The following ARNT variants were observed in gnomAD, a reference collection of about 807,000 sequenced individuals.
ARNT encodes the protein aryl hydrocarbon receptor nuclear translocator.
A neutral mutation model predicts 105.0 loss-of-function variants in ARNT; 30 were observed. The ratio of observed to expected loss-of-function variants is 0.29; its 90% confidence interval spans 0.21 to 0.39. The LOEUF (loss-of-function observed/expected upper bound fraction) is 0.39, where lower values mean the gene tolerates loss of function less well. Ranked by LOEUF, ARNT falls within the 10% of genes least tolerant of loss-of-function variation. The probability of loss-of-function intolerance (pLI) is 1.00; values close to 1 mark genes in which losing one functional copy is unlikely to be tolerated. For synonymous variants in ARNT, 304 were observed against 344.0 expected, an observed-to-expected ratio of 0.88 and a Z score of 1.29; for missense variants, 748 against 978.7, an observed-to-expected ratio of 0.76 and a Z score of 3.15.
At position 150,864,917 on chromosome 1, in the gene ARNT, T is replaced by C. The variant is rs775912908; in HGVS notation, c.26-6457A>G. On this transcript the variant is annotated intron_variant, in intron 1 of 21. Transcript: ENST00000358595. ...AAAAAAAAAGAAAGAAAAAGACCTA[T>C]AAAAGGTAAGATGTCAAGTGCTAAC... Among the ~76,000 whole-genome samples, 151 of 137,314 alleles carry C rather than the reference T, an allele frequency of 1.1e-3. No individual in the cohort carries two copies. In the Middle Eastern group the frequency reaches 0.013, roughly 11 times the overall value. 90.1% of individuals were successfully genotyped at this position (137,314 alleles called of 152,430 possible).
At position 150,814,121 on chromosome 1, in the gene ARNT, C is replaced by G. The variant is rs1418512329; in HGVS notation, c.2069G>C (p.Gly690Ala). The G allele has an allele frequency of 6.2e-7, 1 of 1,614,098 alleles. No individual in the cohort carries two copies. The highest frequency in any genetic ancestry group is 8.5e-7 in the Non-Finnish European group (1 of 1,180,018). ...SLPGAPTASP[G>A]AAAYPSLTNR... is the part of the protein sequence containing the mutation. ...GGTGAGACTAGGGTAGGCAGCAGCACCAGGCGATGCAGTTGGGGCACCAGG... is the reference window on the plus strand; with the variant it reads ...GGTGAGACTAGGGTAGGCAGCAGCAGCAGGCGATGCAGTTGGGGCACCAGG... The change falls in exon 20 of 22, where the codon GGT becomes GCT. Residue 690 changes from glycine (G) to alanine (A), a missense_variant. Coordinates refer to ENST00000358595, the MANE Select transcript of ARNT (RefSeq NM_001668.4).
intron 1 of ARNT, among the ~76,000 whole-genome samples, chr1:150,867,845 T>C (rs1051251467): frequency 2.0e-5 from 3 of 152,076 alleles, no homozygotes; most frequent in Non-Finnish European, 4.4e-5. Context: ...CTTCTCTCCC[T>C]CTATCCTGCC....
At chr1:150,812,277 C>G (rs879626240) in intron 21 of ARNT, among the ~76,000 whole-genome samples, 167 bp from the exon 22 acceptor site, 1 of 152,198 alleles carries the variant, frequency 6.6e-6, no homozygotes, top group African/African-American at 2.4e-5. Context: ...TAGATCGCAG[C>G]CTTTTTTCCT....
chr1:150,832,890 C>A (rs962341459), intron 8 of ARNT, among the ~76,000 whole-genome samples: 2 of 152,206 alleles, frequency 1.3e-5, no homozygotes, highest in Non-Finnish European at 2.9e-5. Context: ...TATGTCTTTG[C>A]ATTAGCCATG....
chr1:150,811,989 C>T lies in ARNT; in HGVS notation c.*32G>A. ...TTTTAAAAACAAACAGTGATTTTTT[C>T]TCCCCCACCCCTTATCCTCACCCCA... is the stretch of plus-strand genomic sequence containing the variant. On this transcript the variant is annotated 3_prime_UTR_variant, in exon 22 of 22. Transcript: ENST00000358595. 1 of 1,405,076 alleles carries T rather than the reference C, an allele frequency of 7.1e-7. No homozygotes were observed. Among genetic ancestry groups the T allele is most frequent in the Non-Finnish European group, 9.4e-7 (1 of 1,061,224 alleles). The allele number at this position is 1,405,076 out of a possible 1,614,324, so 87.0% of individuals were successfully genotyped here. A position where few individuals can be genotyped will look rare whatever the true frequency, so the allele number is the denominator to read the frequency against.
intron 1 of ARNT, among the ~76,000 whole-genome samples, chr1:150,869,448 G>C (rs587759901): frequency 6.6e-6 from 1 of 152,208 alleles, no homozygotes; most frequent in South Asian, 2.1e-4. Context: ...CTGCACCCCA[G>C]CCTGGGTGAC....
intron 2 of ARNT, among the ~76,000 whole-genome samples, chr1:150,856,873 C>T (rs926138079): frequency 3.3e-5 from 5 of 151,802 alleles, no homozygotes; most frequent in African/African-American, 1.2e-4. Flanking sequence ...GGCAGGAGGA[C>T]TGCTTGAGCA....
At chr1:150,856,418 C>T (rs986998111) in intron 2 of ARNT, among the ~76,000 whole-genome samples, 18 of 144,142 alleles carry the variant, frequency 1.2e-4, no homozygotes, top group African/African-American at 4.4e-4. Context: ...CCAGCCTGGG[C>T]GACAGAGCGA....
intron 14 of ARNT, among the ~76,000 whole-genome samples, chr1:150,822,545 G>A (rs587606472): frequency 6.6e-6 from 1 of 152,178 alleles, no homozygotes; most frequent in Non-Finnish European, 1.5e-5. Flanking sequence ...GATCCCCGGA[G>A]GGTAGCCCAC....
Position 150,876,593 on chromosome 1 carries a change from C to T in ARNT, c.-26G>A. Reference sequence around the variant, plus strand: ...GGCCGCAGATGCCACCGCCGCCGCGCCACCCCCCCCCCCAGTGGGAGGAGC... The same window carrying T: ...GGCCGCAGATGCCACCGCCGCCGCGTCACCCCCCCCCCCAGTGGGAGGAGC... On this transcript the variant is annotated 5_prime_UTR_variant, in exon 1 of 22. Transcript: ENST00000358595. 1 of 1,416,474 alleles carries T rather than the reference C, an allele frequency of 7.1e-7. No homozygotes were observed. 87.7% of individuals were successfully genotyped at this position (1,416,474 alleles called of 1,614,324 possible).
At chr1:150,869,776 C>A (rs1385329425) in intron 1 of ARNT, among the ~76,000 whole-genome samples, 1 of 151,964 alleles carries the variant, frequency 6.6e-6, no homozygotes, top group Non-Finnish European at 1.5e-5. Context: ...TGGTCTCCAA[C>A]TCCTGGGCTT....
chr1:150,838,407 T>A (rs1341525091), intron 6 of ARNT, among the ~76,000 whole-genome samples: 1 of 152,218 alleles, frequency 6.6e-6, no homozygotes, highest in African/African-American at 2.4e-5. Flanking sequence ...CCATTCTTTC[T>A]ATTTCTCACA....
intron 1 of ARNT, among the ~76,000 whole-genome samples, chr1:150,864,766 A>AAAAAAAAT (rs1289548893): frequency 6.5e-5 from 9 of 138,264 alleles, no homozygotes; most frequent in East Asian, 2.1e-4. Context: ...GTATAATAAA[A>AAAAAAAAT]AATAAATAAA....
intron 7 of ARNT, among the ~76,000 whole-genome samples, chr1:150,835,138 C>CAAAAAAAAA (rs11459475): frequency 7.4e-6 from 1 of 134,242 alleles, no homozygotes; most frequent in Non-Finnish European, 1.6e-5. Flanking sequence ...GACCTTGTCT[C>CAAAAAAAAA]AAAAAAAAAA....
At chr1:150,822,668 A>G (rs1657347294) in intron 14 of ARNT, among the ~76,000 whole-genome samples, 1 of 152,156 alleles carries the variant, frequency 6.6e-6, no homozygotes, top group Non-Finnish European at 1.5e-5. Context: ...ACTGGTAAAC[A>G]TAGGTAAATG....
At chr1:150,840,720 T>C (rs1024008564) in intron 5 of ARNT, among the ~76,000 whole-genome samples, 3 of 152,132 alleles carry the variant, frequency 2.0e-5, no homozygotes, top group African/African-American at 4.8e-5. Context: ...ACAAGACAAT[T>C]TGAATCTCAC....
Position 150,829,963 on chromosome 1 carries a change from C to G in ARNT, c.973G>C (p.Asp325His). The part of the protein sequence containing the change: ...WPPAGVSLPD[D>H]DPEAGQGSKF... ...CTTCCCTGGCCAGCCTCTGGGTCAT[C>G]ATCTGGGAGGGAAACACCTTCAGAA... The change falls in exon 11 of 22, where the codon GAT becomes CAT. Residue 325 changes from aspartate (D) to histidine (H), a missense_variant. Physicochemically the swap from Asp to His is moderately conservative, Grantham distance 81. This residue lies in a region of ARNT where 291 missense variants were observed against 444.6 expected (regional missense o/e 0.65). Coordinates refer to ENST00000358595, the MANE Select transcript of ARNT (RefSeq NM_001668.4). The G allele has an allele frequency of 6.2e-7, 1 of 1,614,218 alleles. No individual in the cohort carries two copies. The highest frequency in any genetic ancestry group is 8.5e-7 in the Non-Finnish European group (1 of 1,180,036).
intron 4 of ARNT, among the ~76,000 whole-genome samples, chr1:150,843,333 G>A (rs587766595): frequency 3.9e-5 from 6 of 152,250 alleles, no homozygotes; most frequent in African/African-American, 1.2e-4. Context: ...ATTGTGTCAG[G>A]AATGTGTCAA....
intron 2 of ARNT, among the ~76,000 whole-genome samples, chr1:150,858,079 T>C (rs1207382400): frequency 6.6e-6 from 1 of 152,186 alleles, no homozygotes; most frequent in Non-Finnish European, 1.5e-5. Flanking sequence ...TTCTCAGGCA[T>C]AGTAAAATCT....
Sources: gnomAD v4.1 joint callset for allele counts (sites outside exome capture counted in the v4.1 genomes callset) on GRCh38, gnomAD v4.1.1 for gene constraint, gnomAD v4.1.1 regional missense constraint, MANE v1.5 for transcripts, NCBI Gene and HGNC (gene_info 2026-07-23, HGNC 2026-07-21) for gene names.